The following CARD8 variants were observed in gnomAD, a reference collection of about 807,000 sequenced individuals.
CARD8 encodes caspase recruitment domain family member 8, also known as caspase recruitment domain-containing protein 8.
CARD8 carries 38 observed loss-of-function variants against 53.2 expected under a neutral mutation model. That is an observed-to-expected ratio of 0.71 (90% confidence interval 0.55 to 0.94). CARD8 has a LOEUF of 0.94. CARD8 is among the 40% of genes least tolerant of loss of function. The probability of loss-of-function intolerance (pLI) is 0.00; values close to 1 mark genes in which losing one functional copy is unlikely to be tolerated. For missense variants in CARD8, 561 were observed against 655.5 expected (o/e 0.86, Z 1.57); for synonymous variants, 245 against 244.9 (o/e 1.00, Z 0.00).
chr19:48,204,126 C>T, downstream of CARD8: 1 of 454,104 alleles, frequency 2.2e-6, no homozygotes, highest in Non-Finnish European at 4.4e-6. Flanking sequence ...GGTCTGGGCG[C>T]CGGGGCTGCA....
At chr19:48,220,785 C>G (rs1295377360) in intron 11 of CARD8, among the ~76,000 whole-genome samples, 2 of 151,934 alleles carry the variant, frequency 1.3e-5, no homozygotes, top group Non-Finnish European at 2.9e-5. Context: ...GTGGTGCATG[C>G]CTGTAATCCC....
rs1046322717 is a variant in CARD8 at position 48,248,892 on chromosome 19, A to T, written c.-44+631T>A. On this transcript the variant is annotated intron_variant, in intron 3 of 13. Coordinates refer to ENST00000651546, the MANE Select transcript of CARD8 (RefSeq NM_001184900.3). ...TTATTAAAACCACATGTAAACATGGATAAATATTTAAAATGTACTATTGGG... is the reference window on the plus strand; with the variant it reads ...TTATTAAAACCACATGTAAACATGGTTAAATATTTAAAATGTACTATTGGG... Among the ~76,000 whole-genome samples the T allele has an allele frequency of 5.3e-5, 8 of 152,330 alleles. No homozygotes were observed. In the South Asian group the frequency reaches 1.7e-3, roughly 32 times the overall value.
intron 1 of CARD8, among the ~76,000 whole-genome samples, chr19:48,254,392 T>C (rs1728012231): frequency 6.6e-6 from 1 of 152,192 alleles, no homozygotes; most frequent in Admixed American, 6.5e-5. Flanking sequence ...TGTAAATAAA[T>C]GTGAAGACTA....
intron 4 of CARD8, among the ~76,000 whole-genome samples, chr19:48,239,954 C>T (rs2044656870): frequency 6.6e-6 from 1 of 152,118 alleles, no homozygotes; most frequent in African/African-American, 2.4e-5. Flanking sequence ...GAAAGGAGCT[C>T]TCCAGGGTTC....
At chr19:48,239,099 G>C (rs1172543904) in intron 4 of CARD8, among the ~76,000 whole-genome samples, 3 of 152,180 alleles carry the variant, frequency 2.0e-5, no homozygotes, top group Non-Finnish European at 4.4e-5. Flanking sequence ...TAAACAGGAG[G>C]GAATGTTAAC....
At chr19:48,239,426 C>G (rs1351442001) in intron 4 of CARD8, among the ~76,000 whole-genome samples, 1 of 151,672 alleles carries the variant, frequency 6.6e-6, no homozygotes, top group Non-Finnish European at 1.5e-5. Flanking sequence ...CGTCCTAGTC[C>G]GTGGTCTTTT....
chr19:48,211,926 C>T lies in CARD8; in HGVS notation c.1398G>A (p.Gly466=). The change falls in exon 14 of 14, where the codon GGG becomes GGA. Residue 466 remains glycine, a synonymous_variant. Transcript: ENST00000651546. The part of the protein sequence containing the change: ...ENHRQLQARM[G]DLKGVLDDLQ... ...GATCATCGAGCACCCCTTTCAGGTC[C>T]CCCATCCTGGCTTGGAGTTGCCGGT... The T allele has an allele frequency of 1.2e-6, 2 of 1,614,068 alleles. No homozygotes were observed. The highest frequency in any genetic ancestry group is 1.7e-6 in the Non-Finnish European group (2 of 1,179,956).
intron 10 of CARD8, among the ~76,000 whole-genome samples, chr19:48,223,182 T>C (rs529455002): frequency 1.6e-4 from 24 of 151,780 alleles, no homozygotes; most frequent in African/African-American, 5.6e-4. Context: ...TGAGTGCCTA[T>C]AATACCAGCT....
At chr19:48,223,229 G>A (rs549186081) in intron 10 of CARD8, among the ~76,000 whole-genome samples, 2 of 151,884 alleles carry the variant, frequency 1.3e-5, no homozygotes, top group South Asian at 2.1e-4. Context: ...GCATGAACCT[G>A]GGAGGCAGAG....
At chr19:48,204,618 T>C (rs937831137), downstream of CARD8, among the ~76,000 whole-genome samples, 5 of 152,046 alleles carry the variant, frequency 3.3e-5, no homozygotes, top group African/African-American at 1.2e-4. Flanking sequence ...TTGACAGTAC[T>C]GGTAAACAGG....
intron 10 of CARD8, chr19:48,223,970 A>T: frequency 4.6e-6 from 2 of 436,932 alleles, no homozygotes; most frequent in Non-Finnish European, 9.2e-6. Flanking sequence ...CCCAAATGCA[A>T]TTTTTTTTTG....
At chr19:48,216,245 G>A (rs963654937) in intron 12 of CARD8, among the ~76,000 whole-genome samples, 2 of 152,124 alleles carry the variant, frequency 1.3e-5, no homozygotes, top group African/African-American at 4.8e-5. Context: ...AGAGTGTGGT[G>A]GCATTTGCTT....
chr19:48,207,737 T>TTTTTTTTTTTGTTG (rs1568595582), downstream of CARD8, among the ~76,000 whole-genome samples: 1 of 93,038 alleles, frequency 1.1e-5, no homozygotes, highest in Non-Finnish European at 2.4e-5. Context: ...TTTTTCTGTT[T>TTTTTTTTTTTGTTG]TTTTTTTTTT....
chr19:48,221,543 A>T (rs1198260280), intron 11 of CARD8, among the ~76,000 whole-genome samples, 187 bp downstream of exon 11: 1 of 152,166 alleles, frequency 6.6e-6, no homozygotes, highest in Non-Finnish European at 1.5e-5. Flanking sequence ...CTAAAATGTT[A>T]CCTCTGCCTT....
rs545874268 is a variant in CARD8 at position 48,255,836 on chromosome 19, G to A, written c.-296C>T. On this transcript the variant is annotated 5_prime_UTR_variant, in exon 1 of 14. Transcript: ENST00000651546. ...AGCAGCAGGTGGTGACTTTAGGGTA[G>A]GACGGGCCAAATGGGAGAATCCCCT... The A allele has an allele frequency of 1.5e-4, 23 of 152,372 alleles. No individual in the cohort carries two copies. The East Asian group carries it at 2.1e-3, about 14-fold the overall frequency. 9.4% of individuals were successfully genotyped at this position (152,372 alleles called of 1,614,324 possible). A position where few individuals can be genotyped will look rare whatever the true frequency, so the allele number is the denominator to read the frequency against.
intron 10 of CARD8, 24 bp downstream of exon 10, chr19:48,230,414 G>A (rs778711131): frequency 7.0e-6 from 11 of 1,575,116 alleles, no homozygotes; most frequent in Non-Finnish European, 9.5e-6. Context: ...CATCTTCTCT[G>A]GTCTCCTAAA....
At chr19:48,249,712 C>G (rs1410580827) in intron 2 of CARD8, 39 bp downstream of exon 2, 3 of 152,396 alleles carry the variant, frequency 2.0e-5, no homozygotes, top group Non-Finnish European at 4.4e-5. Flanking sequence ...GCCTGTCCTC[C>G]CCTAAAGTCA....
At chr19:48,240,042 C>A (rs73578865) in intron 4 of CARD8, among the ~76,000 whole-genome samples, 6 of 152,176 alleles carry the variant, frequency 3.9e-5, no homozygotes, top group Admixed American at 1.3e-4. Context: ...CATCTCCTAA[C>A]AACATCACAT....
In CARD8 at chr19:48,208,575, T is replaced by G. The variant is rs1010031214; in HGVS notation, c.*3135A>C. ...AACTACTGAGAATACAAGGATGAGC[T>G]GCAAAAATCTCCACTTGTCTGGCAA... On this transcript the variant is annotated 3_prime_UTR_variant, in exon 14 of 14. Transcript: ENST00000651546. 4 of 152,176 alleles carry G rather than the reference T, an allele frequency of 2.6e-5. No homozygotes were observed. The highest frequency in any genetic ancestry group is 9.7e-5 in the African/African-American group (4 of 41,434). The allele number at this position is 152,176 out of a possible 1,614,324, so 9.4% of individuals were successfully genotyped here. A position where few individuals can be genotyped will look rare whatever the true frequency, so the allele number is the denominator to read the frequency against.
Sources: gnomAD v4.1 joint callset for allele counts (sites outside exome capture counted in the v4.1 genomes callset) on GRCh38, gnomAD v4.1.1 for gene constraint, MANE v1.5 for transcripts, NCBI Gene and HGNC (gene_info 2026-07-23, HGNC 2026-07-21) for gene names.